PHLDB2: variants seen among roughly 807,000 people sequenced by gnomAD.
PHLDB2 encodes pleckstrin homology-like domain family B member 2.
A neutral mutation model predicts 123.6 loss-of-function variants in PHLDB2; 71 were observed. The observed-to-expected ratio is 0.57, with a 90% CI of 0.47 to 0.70. The LOEUF is 0.70. Ranked by LOEUF, PHLDB2 falls within the 30% of genes least tolerant of loss-of-function variation. The pLI is 0.00. For synonymous variants in PHLDB2, 547 were observed against 541.6 expected, an observed-to-expected ratio of 1.01 and a Z score of -0.14; for missense variants, 1,446 against 1,519.5, an observed-to-expected ratio of 0.95 and a Z score of 0.80.
chr3:111,764,845 C>T (rs1224323949), intron 1 of PHLDB2, among the ~76,000 whole-genome samples: 2 of 152,204 alleles, frequency 1.3e-5, no homozygotes, highest in Non-Finnish European at 2.9e-5. Context: ...CTGACACAGA[C>T]TTGGACTCTA....
rs777280669 is a variant in PHLDB2 at position 111,952,558 on chromosome 3, A to G, written c.2632-14A>G. The G allele has an allele frequency of 2.5e-6, 4 of 1,604,570 alleles. No homozygotes were observed. Among genetic ancestry groups the G allele is most frequent in the Non-Finnish European group, 3.4e-6 (4 of 1,177,264 alleles). ...GTCAAGTTTTGCTATTTTGCTTTGC[A>G]TTTGCATTTAAAGCACTTTAGAAGT... On this transcript the variant is annotated splice_polypyrimidine_tract_variant and intron_variant, in intron 10 of 17. Coordinates refer to ENST00000431670, the MANE Select transcript of PHLDB2 (RefSeq NM_001134438.2).
At chr3:111,841,820 C>T (rs546523742) in intron 1 of PHLDB2, among the ~76,000 whole-genome samples, 27 of 152,272 alleles carry the variant, frequency 1.8e-4, no homozygotes, top group African/African-American at 6.5e-4. Context: ...CTGTCTACCA[C>T]TCTAAGACTG....
intron 6 of PHLDB2, among the ~76,000 whole-genome samples, chr3:111,938,190 A>T (rs12631997): frequency 0.28 from 42,733 of 151,842 alleles, 7,167 homozygotes; most frequent in East Asian, 0.65. Flanking sequence ...TTCAATTTTT[A>T]AAAAAAAGAC....
intron 10 of PHLDB2, among the ~76,000 whole-genome samples, chr3:111,949,329 CTA>C (rs10543749): frequency 0.31 from 47,331 of 151,822 alleles, 7,971 homozygotes; most frequent in African/African-American, 0.43. Flanking sequence ...GAAATATGTT[CTA>C]TGTCTTAGCA....
At chr3:111,971,016 C>T (rs2072139650) in intron 16 of PHLDB2, among the ~76,000 whole-genome samples, 1 of 152,126 alleles carries the variant, frequency 6.6e-6, no homozygotes, top group Admixed American at 6.5e-5. Flanking sequence ...CCGAGGAGCT[C>T]TTTGGGTGAG....
chr3:111,736,078 A>T (rs1264252048), intron 1 of PHLDB2, among the ~76,000 whole-genome samples: 2 of 152,208 alleles, frequency 1.3e-5, no homozygotes, highest in Non-Finnish European at 2.9e-5. Context: ...GTGTAAGCAT[A>T]AAACTCAGTA....
At chr3:111,779,741 C>T in intron 1 of PHLDB2, 2 of 537,772 alleles carry the variant, frequency 3.7e-6, no homozygotes, top group Non-Finnish European at 4.7e-6. Flanking sequence ...TTAAGATGAA[C>T]ATACAGGTGC....
chr3:111,875,445 T>C (rs754456259), intron 1 of PHLDB2, among the ~76,000 whole-genome samples: 1 of 152,046 alleles, frequency 6.6e-6, no homozygotes, highest in Non-Finnish European at 1.5e-5. Context: ...GCACCACGCC[T>C]GGCAAAGGAG....
intron 1 of PHLDB2, among the ~76,000 whole-genome samples, chr3:111,748,199 T>TG (rs1483220405): frequency 1.3e-5 from 2 of 152,198 alleles, no homozygotes; most frequent in African/African-American, 2.4e-5. Context: ...AGGCTACCAT[T>TG]GGCATTGTCA....
In PHLDB2 at chr3:111,973,768, T is replaced by A; in HGVS notation, c.3572T>A (p.Phe1191Tyr). ...HETKLKGVIY[F>Y]QAIEEVYYDH... ...ACTAAATTGAAAGGAGTAATATACT[T>A]TCAAGCCATTGAAGAAGTCTATTAT... The change falls in exon 17 of 18, where the codon TTT becomes TAT. Residue 1191 changes from phenylalanine (F) to tyrosine (Y), a missense_variant. This residue lies in a region of PHLDB2 where 594 missense variants were observed against 646.0 expected (regional missense o/e 0.92). Transcript: ENST00000431670. The A allele has an allele frequency of 6.2e-7, 1 of 1,604,352 alleles. No individual in the cohort carries two copies. The highest frequency in any genetic ancestry group is 2.2e-5 in the East Asian group (1 of 44,738).
chr3:111,808,156 C>T (rs1334528438), intron 1 of PHLDB2, among the ~76,000 whole-genome samples: 1 of 152,114 alleles, frequency 6.6e-6, no homozygotes, highest in Non-Finnish European at 1.5e-5. Context: ...TTGTAAAGAA[C>T]TCACAGCAGC....
At chr3:111,932,461 C>T in intron 6 of PHLDB2, 64 bp downstream of exon 6, 2 of 1,495,622 alleles carry the variant, frequency 1.3e-6, no homozygotes, top group Non-Finnish European at 1.8e-6. Flanking sequence ...ACTTAAGTGC[C>T]ACTTACCTGT....
intron 1 of PHLDB2, among the ~76,000 whole-genome samples, chr3:111,788,892 G>A (rs1478768079): frequency 6.6e-6 from 1 of 152,126 alleles, no homozygotes; most frequent in East Asian, 1.9e-4. Flanking sequence ...ATAACTTACG[G>A]GAAAGCACCT....
At chr3:111,922,186 G>A (rs1226240836) in intron 5 of PHLDB2, among the ~76,000 whole-genome samples, 1 of 152,244 alleles carries the variant, frequency 6.6e-6, no homozygotes, top group Non-Finnish European at 1.5e-5. Flanking sequence ...CATGTTCCCT[G>A]TGAACCCTCC....
chr3:111,948,821 ATATCT>A (rs1436980860), intron 9 of PHLDB2, 106 bp from the exon 10 acceptor site: 189 of 928,622 alleles, frequency 2.0e-4, no homozygotes, highest in Non-Finnish European at 2.9e-4. Flanking sequence ...AATACCACAG[ATATCT>A]GGCTGTGCCG....
chr3:111,846,997 C>T (rs770794412), intron 2 of PHLDB2, among the ~76,000 whole-genome samples: 6 of 152,146 alleles, frequency 3.9e-5, no homozygotes, highest in Non-Finnish European at 7.4e-5. Context: ...GAAAGAGATA[C>T]ATGAATGTGA....
At chr3:111,781,989 T>C (rs1359330647) in intron 1 of PHLDB2, among the ~76,000 whole-genome samples, 1 of 152,028 alleles carries the variant, frequency 6.6e-6, no homozygotes, top group African/African-American at 2.4e-5. Flanking sequence ...ATTTTGAATT[T>C]GGTCAAGCAA....
intron 2 of PHLDB2, among the ~76,000 whole-genome samples, chr3:111,906,550 G>T (rs944914777): frequency 6.6e-6 from 1 of 152,178 alleles, no homozygotes; most frequent in Non-Finnish European, 1.5e-5. Flanking sequence ...AAGCAGAATG[G>T]CCTTGGTCTC....
chr3:111,834,321 A>C (rs1399858045), intron 1 of PHLDB2, among the ~76,000 whole-genome samples: 2 of 139,664 alleles, frequency 1.4e-5, no homozygotes, highest in African/African-American at 2.6e-5. Flanking sequence ...TCTATTATAT[A>C]TATAATGGCA....
Sources: gnomAD v4.1 joint callset for allele counts (sites outside exome capture counted in the v4.1 genomes callset) on GRCh38, gnomAD v4.1.1 for gene constraint, gnomAD v4.1.1 regional missense constraint, MANE v1.5 for transcripts, NCBI Gene and HGNC (gene_info 2026-07-23, HGNC 2026-07-21) for gene names.